The following TMOD3 variants were observed in gnomAD, a reference collection of about 807,000 sequenced individuals.
TMOD3 encodes the protein tropomodulin 3.
In TMOD3, 20 loss-of-function variants were observed where a neutral mutation model predicts 39.2. The ratio of observed to expected loss-of-function variants is 0.51; its 90% CI spans 0.36 to 0.74. The LOEUF (loss-of-function observed/expected upper bound fraction) is 0.74. Ranked by LOEUF, TMOD3 falls within the 30% of genes least tolerant of loss-of-function variation. TMOD3 has a pLI of 0.00. For missense variants in TMOD3, 381 were observed against 412.8 expected, an observed-to-expected ratio of 0.92 and a Z score of 0.67; for synonymous variants, 143 against 145.8, an observed-to-expected ratio of 0.98 and a Z score of 0.14.
chr15:51,884,480 A>G (rs1288894693), intron 3 of TMOD3: 1 of 152,196 alleles, frequency 6.6e-6, no homozygotes, highest in Non-Finnish European at 1.5e-5. Flanking sequence ...TTGCTTTCCT[A>G]GCCACCCTTG....
At chr15:51,883,706 A>G (rs531814872) in intron 3 of TMOD3, among the ~76,000 whole-genome samples, 1 of 152,220 alleles carries the variant, frequency 6.6e-6, no homozygotes, top group South Asian at 2.1e-4. Context: ...CATGCAGCAT[A>G]CAAGATTAAC....
chr15:51,832,869 G>T (rs1427271383), intron 1 of TMOD3, among the ~76,000 whole-genome samples: 1 of 152,210 alleles, frequency 6.6e-6, no homozygotes, highest in Non-Finnish European at 1.5e-5. Flanking sequence ...CTGTGTTGTA[G>T]CTGGCAAACT....
chr15:51,842,258 T>C (rs2570241), intron 1 of TMOD3, among the ~76,000 whole-genome samples: 64,295 of 151,998 alleles, frequency 0.42, 13,808 homozygotes, highest in Admixed American at 0.52. Flanking sequence ...CCTCTCCCCT[T>C]ACTTTACTGG....
chr15:51,855,704 T>G (rs1168094859), intron 1 of TMOD3, among the ~76,000 whole-genome samples: 1 of 152,236 alleles, frequency 6.6e-6, no homozygotes, highest in East Asian at 1.9e-4. Context: ...CACACTGGTT[T>G]CACCTCTTCA....
intron 7 of TMOD3, among the ~76,000 whole-genome samples, chr15:51,899,657 C>A (rs908566140): frequency 2.7e-5 from 4 of 150,930 alleles, no homozygotes; most frequent in African/African-American, 9.8e-5. Flanking sequence ...CAGGGCAAGA[C>A]CCTGTCTCAA....
chr15:51,879,788 A>G (rs2141695412), intron 3 of TMOD3, among the ~76,000 whole-genome samples: 1 of 150,180 alleles, frequency 6.7e-6, no homozygotes, highest in South Asian at 2.2e-4. Flanking sequence ...GATACTTGGG[A>G]CTATGTGGTC....
intron 1 of TMOD3, among the ~76,000 whole-genome samples, chr15:51,839,037 A>G (rs756744449): frequency 2.6e-5 from 4 of 152,208 alleles, no homozygotes; most frequent in Admixed American, 6.5e-5. Context: ...CCCCCACACA[A>G]GGAGGTTTGG....
chr15:51,865,026 C>A (rs1400811350), intron 2 of TMOD3, among the ~76,000 whole-genome samples: 1 of 152,010 alleles, frequency 6.6e-6, no homozygotes, highest in Non-Finnish European at 1.5e-5. Context: ...TCACTCTGTT[C>A]CTCAGGCAAG....
rs182501437 is a variant in TMOD3 at position 51,877,128 on chromosome 15, T to C, written c.283+7755T>C. Among the ~76,000 whole-genome samples, 148 of 152,304 alleles carry C rather than the reference T, an allele frequency of 9.7e-4. 1 individual carries two copies. Among genetic ancestry groups the C allele is most frequent in the Non-Finnish European group, 1.8e-3 (125 of 68,020 alleles). On this transcript the variant is annotated intron_variant, in intron 3 of 9. Coordinates refer to ENST00000308580, the MANE Select transcript of TMOD3 (RefSeq NM_014547.5). ...TTTTTGAACATATGTAATATAATTA[T>C]AGTAATTTTTAATGTCCTTACTTGC...
intron 3 of TMOD3, among the ~76,000 whole-genome samples, chr15:51,871,937 T>G (rs192330486): frequency 6.6e-6 from 1 of 152,326 alleles, no homozygotes; most frequent in African/African-American, 2.4e-5. Flanking sequence ...TAGCTACATA[T>G]GTCTATTAAA....
chr15:51,900,979 C>T (rs2056647252), intron 8 of TMOD3: 1 of 152,168 alleles, frequency 6.6e-6, no homozygotes, highest in South Asian at 2.1e-4. Context: ...AAAAGAAACC[C>T]CATACCCATT....
Position 51,829,785 on chromosome 15 carries a change from C to A in TMOD3, c.-126C>A, listed in dbSNP as rs1187418010. 6.6e-6 allele frequency: 1 copy of A among 152,430 alleles called. No homozygotes were observed. The highest frequency in any genetic ancestry group is 2.4e-5 in the African/African-American group (1 of 41,464). 9.4% of individuals were successfully genotyped at this position (152,430 alleles called of 1,614,324 possible). On this transcript the variant is annotated 5_prime_UTR_variant, in exon 1 of 10. Coordinates refer to ENST00000308580, the MANE Select transcript of TMOD3 (RefSeq NM_014547.5). ...GAACCGAGCCTCGGCTTGCGGCCGG[C>A]AGTTTCCGTGGGTCTGTGAAGAGGT...
intron 1 of TMOD3, among the ~76,000 whole-genome samples, chr15:51,852,364 G>A (rs1221211038): frequency 6.6e-6 from 1 of 151,846 alleles, no homozygotes; most frequent in African/African-American, 2.4e-5. Context: ...AAGGCCTCCA[G>A]CACCTGAAGT....
chr15:51,882,145 T>TC (rs1360334126), intron 3 of TMOD3, among the ~76,000 whole-genome samples: 1 of 151,930 alleles, frequency 6.6e-6, no homozygotes, highest in African/African-American at 2.4e-5. Context: ...TCCATCCGCC[T>TC]CCGCCTCCCA....
chr15:51,845,418 G>T (rs532994740), intron 1 of TMOD3, among the ~76,000 whole-genome samples: 2 of 152,284 alleles, frequency 1.3e-5, no homozygotes, highest in East Asian at 3.9e-4. Context: ...CTCACCCTCA[G>T]TCTGATGCTG....
At chr15:51,899,011 C>A (rs1399767979) in intron 7 of TMOD3, 2 of 152,220 alleles carry the variant, frequency 1.3e-5, no homozygotes, top group Non-Finnish European at 2.9e-5. Context: ...TGAAGACATA[C>A]CATTACTTGA....
At chr15:51,859,315 G>A (rs1010974916) in intron 1 of TMOD3, 4 of 726,904 alleles carry the variant, frequency 5.5e-6, no homozygotes, top group Admixed American at 1.8e-5. Flanking sequence ...TGGTTCAATG[G>A]TTCCTTGATA....
At chr15:51,908,534 T>G (rs960008411) in intron 9 of TMOD3, among the ~76,000 whole-genome samples, 1 of 152,130 alleles carries the variant, frequency 6.6e-6, no homozygotes, top group Non-Finnish European at 1.5e-5. Context: ...TCATTGAGCT[T>G]AGGGCATGTA....
intron 1 of TMOD3, among the ~76,000 whole-genome samples, chr15:51,852,838 T>C (rs2056369365): frequency 6.6e-6 from 1 of 152,234 alleles, no homozygotes; most frequent in South Asian, 2.1e-4. Flanking sequence ...CTTTACAGTG[T>C]CTAGTGAGAG....
Sources: gnomAD v4.1 joint callset for allele counts (sites outside exome capture counted in the v4.1 genomes callset) on GRCh38, gnomAD v4.1.1 for gene constraint, MANE v1.5 for transcripts, NCBI Gene and HGNC (gene_info 2026-07-23, HGNC 2026-07-21) for gene names.